The following CHID1 variants were observed in gnomAD, a reference collection of about 807,000 sequenced individuals.
The protein encoded by CHID1 is chitinase domain containing 1.
Under a neutral mutation model 55.4 loss-of-function variants are expected in CHID1, and 44 were observed. That is an observed-to-expected ratio of 0.79 (90% CI 0.62 to 1.02). CHID1 has a LOEUF of 1.02. Ranked by LOEUF, CHID1 falls within the 50% of genes least tolerant of loss-of-function variation. The pLI is 0.00. For synonymous variants in CHID1, 216 were observed against 212.9 expected (o/e 1.01, Z -0.13); for missense variants, 491 against 515.3 (o/e 0.95, Z 0.46).
intron 8 of CHID1, among the ~76,000 whole-genome samples, chr11:888,377 C>A (rs954985733): frequency 6.6e-6 from 1 of 152,224 alleles, no homozygotes; most frequent in African/African-American, 2.4e-5. Flanking sequence ...TGGACCTCCT[C>A]CTACTTGCAA....
At chr11:884,197 G>A in intron 8 of CHID1, 28 bp from the exon 9 acceptor site, 1 of 1,583,174 alleles carries the variant, frequency 6.3e-7, no homozygotes, top group Non-Finnish European at 8.7e-7. Context: ...AGCCACCTCA[G>A]GCTGCTATGC....
At chr11:908,908 C>T (rs937550234) in intron 1 of CHID1, among the ~76,000 whole-genome samples, 7 of 152,242 alleles carry the variant, frequency 4.6e-5, no homozygotes, top group Admixed American at 4.6e-4. Flanking sequence ...AAGAGGAAGA[C>T]AGTCCTGCCA....
intron 1 of CHID1, chr11:908,637 G>A (rs957885554): frequency 2.8e-5 from 28 of 984,976 alleles, no homozygotes; most frequent in Non-Finnish European, 7.2e-6. Flanking sequence ...CTGTCTTCTG[G>A]GTGGAAATCT....
upstream of CHID1, among the ~76,000 whole-genome samples, chr11:913,017 T>G (rs1181467280): frequency 6.6e-6 from 1 of 152,110 alleles, no homozygotes; most frequent in Non-Finnish European, 1.5e-5. Context: ...TTTTGGAACA[T>G]CTAAGATAAC....
chr11:902,036 TACACACTC>T lies in CHID1; in HGVS notation c.394+154_394+161del, dbSNP rs1219936342. On this transcript the variant is annotated intron_variant, in intron 4 of 12. Transcript: ENST00000323578. ...TCTCCCACATCATCAGTCTCACACT[TACACACTC>T]ACATTCACACTTAAATCACGCAGAG... is the stretch of plus-strand genomic sequence containing the variant. The T allele has an allele frequency of 1.5e-4, 111 of 725,416 alleles. 1 individual carries two copies. Among genetic ancestry groups the T allele is most frequent in the East Asian group, 6.3e-4 (23 of 36,556 alleles). 44.9% of individuals were successfully genotyped at this position (725,416 alleles called of 1,614,324 possible).
At chr11:884,358 G>A (rs1228266917) in intron 8 of CHID1, among the ~76,000 whole-genome samples, 189 bp from the exon 9 acceptor site, 3 of 152,170 alleles carry the variant, frequency 2.0e-5, no homozygotes, top group African/African-American at 7.2e-5. Flanking sequence ...GAGACACAGG[G>A]GGATGTGGTC....
intron 4 of CHID1, 81 bp from the exon 5 acceptor site, chr11:901,061 G>C (rs889569845): frequency 9.7e-5 from 131 of 1,345,772 alleles, no homozygotes; most frequent in Non-Finnish European, 1.2e-4. Flanking sequence ...GGAAAACGTG[G>C]CAGCCGCACA....
chr11:913,150 C>A (rs186496254), upstream of CHID1, among the ~76,000 whole-genome samples: 329 of 150,512 alleles, frequency 2.2e-3, 5 homozygotes, highest in East Asian at 0.02. Context: ...TGCCCCCCCC[C>A]GCAAAAAAAA....
chr11:884,573 G>A (rs987778223), intron 8 of CHID1, among the ~76,000 whole-genome samples: 2 of 152,196 alleles, frequency 1.3e-5, no homozygotes, highest in African/African-American at 2.4e-5. Flanking sequence ...GGGGTCTGCA[G>A]CAAAGCCTCC....
chr11:897,266 G>A (rs899885079), intron 7 of CHID1, among the ~76,000 whole-genome samples: 1 of 151,552 alleles, frequency 6.6e-6, no homozygotes, highest in African/African-American at 2.4e-5. Flanking sequence ...CCCCAGACAC[G>A]AGGCTGTCTC....
intron 7 of CHID1, among the ~76,000 whole-genome samples, chr11:899,103 C>T (rs1470628691): frequency 2.0e-5 from 3 of 152,268 alleles, no homozygotes; most frequent in African/African-American, 7.2e-5. Context: ...CAGCAATGCG[C>T]TCGGAGCCGG....
At chr11:873,698 C>T (rs1159466373) in intron 10 of CHID1, among the ~76,000 whole-genome samples, 1 of 152,084 alleles carries the variant, frequency 6.6e-6, no homozygotes, top group Admixed American at 6.6e-5. Context: ...TGGAGGTGGG[C>T]ACAAGCTAGG....
At chr11:877,028 G>A (rs1849565758) in intron 10 of CHID1, among the ~76,000 whole-genome samples, 1 of 152,172 alleles carries the variant, frequency 6.6e-6, no homozygotes, top group African/African-American at 2.4e-5. Flanking sequence ...GGGCACTTCG[G>A]GTGGGCGAGG....
intron 10 of CHID1, chr11:882,852 G>A (rs529107846): frequency 9.2e-5 from 31 of 335,714 alleles, no homozygotes; most frequent in East Asian, 3.0e-4. Flanking sequence ...GCCCCGGCCC[G>A]GCCTGTATGC....
At chr11:873,435 C>T (rs1223258179) in intron 10 of CHID1, among the ~76,000 whole-genome samples, 1 of 152,000 alleles carries the variant, frequency 6.6e-6, no homozygotes, top group East Asian at 1.9e-4. Flanking sequence ...AAGGGCCACA[C>T]AGGTCTTTTG....
At chr11:879,613 C>A (rs1204299155) in intron 10 of CHID1, among the ~76,000 whole-genome samples, 1 of 123,272 alleles carries the variant, frequency 8.1e-6, no homozygotes, top group African/African-American at 3.2e-5. Context: ...TCTCCCACCT[C>A]CAGCCCCCAG....
chr11:873,720 G>A (rs1257738508), intron 10 of CHID1, among the ~76,000 whole-genome samples: 2 of 152,298 alleles, frequency 1.3e-5, no homozygotes, highest in East Asian at 3.9e-4. Flanking sequence ...CGGAGAAAGA[G>A]GGCACAGCTG....
chr11:890,071 T>C (rs1850691545), intron 8 of CHID1, among the ~76,000 whole-genome samples: 1 of 152,144 alleles, frequency 6.6e-6, no homozygotes, highest in African/African-American at 2.4e-5. Flanking sequence ...CTGCTGCTGC[T>C]GGCGTCCTCG....
At position 900,958 on chromosome 11, in the gene CHID1, C is replaced by T. The variant is rs1205686562; in HGVS notation, c.417G>A (p.Lys139=). ...VDQGWMRAVR[K]HAKGLHIVPR... ...TACCTATGTGCAGGCCCTTGGCATG[C>T]TTCCTGACAGCTCGCATCCACCCTG... The change falls in exon 5 of 13, where the codon AAG becomes AAA. Residue 139 remains lysine, a synonymous_variant. Coordinates refer to ENST00000323578, the MANE Select transcript of CHID1 (RefSeq NM_023947.4). 2 of 1,603,096 alleles carry T rather than the reference C, an allele frequency of 1.2e-6. No individual in the cohort carries two copies. The highest frequency in any genetic ancestry group is 2.2e-5 in the South Asian group (2 of 89,272).
Sources: allele counts gnomAD v4.1 joint callset (sites outside exome capture counted in the v4.1 genomes callset), GRCh38; gene constraint gnomAD v4.1.1; transcripts MANE v1.5; gene names NCBI Gene and HGNC (gene_info 2026-07-23, HGNC 2026-07-21).